The following CDYL variants were observed in gnomAD, a reference collection of about 807,000 sequenced individuals.
CDYL encodes the protein chromodomain Y like, also known as chromodomain Y-like protein.
Under a neutral mutation model 47.3 loss-of-function variants are expected in CDYL, and 8 were observed. The observed-to-expected ratio is 0.17, with a 90% CI of 0.10 to 0.31. The LOEUF is 0.31. Among genes scored for constraint, CDYL ranks in the 10% least tolerant of loss-of-function variants. The pLI, the probability that CDYL is intolerant of heterozygous loss-of-function variation, is 1.00. For synonymous variants in CDYL, 266 were observed against 265.0 expected, an observed-to-expected ratio of 1.00 and a Z score of -0.04; for missense variants, 471 against 701.4, an observed-to-expected ratio of 0.67 and a Z score of 3.71.
At chr6:4,708,947 C>T (rs1757096490) in intron 1 of CDYL, among the ~76,000 whole-genome samples, 1 of 151,942 alleles carries the variant, frequency 6.6e-6, no homozygotes, top group African/African-American at 2.4e-5. Context: ...GCAGAGGTTG[C>T]AGTGAGCCAA....
chr6:4,850,847 T>C (rs981836443), intron 1 of CDYL, among the ~76,000 whole-genome samples: 3 of 152,202 alleles, frequency 2.0e-5, no homozygotes, highest in African/African-American at 4.8e-5. Flanking sequence ...TAAAAAATTA[T>C]TTGAAAAAAT....
At chr6:4,833,247 C>T (rs1342307499) in intron 1 of CDYL, among the ~76,000 whole-genome samples, 9 of 144,372 alleles carry the variant, frequency 6.2e-5, no homozygotes, top group Non-Finnish European at 1.1e-4. Context: ...GCTTTGAATG[C>T]GTCCCAGAGA....
At chr6:4,781,610 T>C (rs1387371548) in intron 1 of CDYL, among the ~76,000 whole-genome samples, 1 of 152,214 alleles carries the variant, frequency 6.6e-6, no homozygotes, top group East Asian at 1.9e-4. Context: ...CATGTGCTCT[T>C]CCTTTGAACT....
chr6:4,707,191 T>C (rs544834391), intron 1 of CDYL, among the ~76,000 whole-genome samples: 2 of 152,200 alleles, frequency 1.3e-5, no homozygotes, highest in Non-Finnish European at 2.9e-5. Flanking sequence ...CCATTGGAGA[T>C]GAGGAAATAA....
At chr6:4,945,734 C>T (rs901556785) in intron 5 of CDYL, among the ~76,000 whole-genome samples, 5 of 152,236 alleles carry the variant, frequency 3.3e-5, no homozygotes, top group Non-Finnish European at 7.3e-5. Flanking sequence ...AAACTGGCAC[C>T]TCTCAGGCCG....
At chr6:4,951,344 CAT>C (rs1391237821) in intron 5 of CDYL, among the ~76,000 whole-genome samples, 7 of 152,108 alleles carry the variant, frequency 4.6e-5, no homozygotes, top group Admixed American at 2.6e-4. Context: ...CTTTATCAGA[CAT>C]GTGTGCACCC....
chr6:4,802,245 A>AT (rs1759246892), intron 1 of CDYL, among the ~76,000 whole-genome samples: 1 of 150,658 alleles, frequency 6.6e-6, no homozygotes, highest in South Asian at 2.1e-4. Flanking sequence ...TTGAAAAAAA[A>AT]ATCACTAATT....
chr6:4,908,428 G>A (rs1581255544), intron 2 of CDYL, among the ~76,000 whole-genome samples: 2 of 152,074 alleles, frequency 1.3e-5, no homozygotes, highest in African/African-American at 4.8e-5. Flanking sequence ...TGAAGCTGGA[G>A]GTTTGTTTTA....
chr6:4,938,982 T>C (rs1488648380), intron 4 of CDYL, among the ~76,000 whole-genome samples: 2 of 152,208 alleles, frequency 1.3e-5, no homozygotes, highest in Admixed American at 6.5e-5. Flanking sequence ...GTCATCAACA[T>C]GAAAGTTGGC....
intron 5 of CDYL, among the ~76,000 whole-genome samples, chr6:4,946,156 C>G (rs1312925637): frequency 6.6e-6 from 1 of 152,300 alleles, no homozygotes; most frequent in Non-Finnish European, 1.5e-5. Flanking sequence ...CCCCTCTGGC[C>G]AGCCCTGGGT....
At position 4,834,041 on chromosome 6, in the gene CDYL, T is replaced by C. The variant is rs1306329911; in HGVS notation, c.24+57234T>C. On this transcript the variant is annotated intron_variant, in intron 1 of 6. Transcript: ENST00000397588. ...ACTCTTTATCCAATTTGCCAGTCTG[T>C]GTCTTTTAATTGGAGCATTTAGTCC... 5.3e-5 allele frequency among the ~76,000 whole-genome samples: 8 copies of C among 151,566 alleles called. 1 individual carries two copies. In the East Asian group the frequency reaches 1.5e-3, roughly 29 times the overall value.
chr6:4,761,769 G>A (rs557958778), intron 3 of CDYL, among the ~76,000 whole-genome samples: 2 of 152,288 alleles, frequency 1.3e-5, no homozygotes, highest in African/African-American at 4.8e-5. Context: ...TTCTCAACCT[G>A]TTTCCTCTCT....
chr6:4,899,508 G>C (rs191022231), intron 2 of CDYL, among the ~76,000 whole-genome samples: 6 of 152,214 alleles, frequency 3.9e-5, no homozygotes, highest in African/African-American at 1.4e-4. Flanking sequence ...AAAATGTGGG[G>C]AGGTGGATAT....
intron 1 of CDYL, among the ~76,000 whole-genome samples, chr6:4,808,468 T>TAACTA (rs1350068754): frequency 9.2e-5 from 14 of 152,378 alleles, no homozygotes; most frequent in Non-Finnish European, 1.2e-4. Flanking sequence ...AACTCTAGTA[T>TAACTA]AACATCAAAG....
intron 2 of CDYL, among the ~76,000 whole-genome samples, chr6:4,914,431 C>T (rs1368052444): frequency 1.3e-5 from 2 of 152,178 alleles, no homozygotes; most frequent in Non-Finnish European, 2.9e-5. Flanking sequence ...CACGCAGCCT[C>T]TTGCAGGTCT....
chr6:4,890,313 G>A (rs1475811665), intron 1 of CDYL, among the ~76,000 whole-genome samples: 1 of 152,144 alleles, frequency 6.6e-6, no homozygotes, highest in Non-Finnish European at 1.5e-5. Context: ...CACAAGTGAA[G>A]GAGCAAGGGA....
chr6:4,823,519 A>G (rs1472760620), intron 1 of CDYL, among the ~76,000 whole-genome samples: 2 of 152,258 alleles, frequency 1.3e-5, no homozygotes, highest in Admixed American at 6.5e-5. Context: ...TTTTAAGTAT[A>G]TAATTCCCTG....
At chr6:4,833,560 G>T (rs2127454923) in intron 1 of CDYL, among the ~76,000 whole-genome samples, 1 of 149,028 alleles carries the variant, frequency 6.7e-6, no homozygotes, top group African/African-American at 2.5e-5. Context: ...TTGATTTGGG[G>T]TGGAGAGTTC....
chr6:4,798,522 A>G (rs1053068719), intron 1 of CDYL, among the ~76,000 whole-genome samples: 2 of 152,214 alleles, frequency 1.3e-5, no homozygotes, highest in Non-Finnish European at 2.9e-5. Context: ...CAGTGGGTCT[A>G]AGAGTAGATA....
Sources: gnomAD v4.1 joint callset for allele counts (sites outside exome capture counted in the v4.1 genomes callset) on GRCh38, gnomAD v4.1.1 for gene constraint, MANE v1.5 for transcripts, NCBI Gene and HGNC (gene_info 2026-07-23, HGNC 2026-07-21) for gene names.